Variants in TACR1 observed in about 807,000 individuals in gnomAD.
TACR1 encodes tachykinin receptor 1, also known as substance-P receptor.
TACR1 carries 25 observed loss-of-function variants against 35.8 expected under a neutral mutation model. That is an observed-to-expected ratio of 0.70 (90% CI 0.51 to 0.98). The LOEUF (loss-of-function observed/expected upper bound fraction) is 0.98. Among genes scored for constraint, TACR1 ranks in the 50% least tolerant of loss-of-function variants. TACR1 has a pLI of 0.00. For missense variants in TACR1, 478 were observed against 522.9 expected (o/e 0.91, Z 0.84); for synonymous variants, 195 against 206.7 (o/e 0.94, Z 0.48).
intron 2 of TACR1, among the ~76,000 whole-genome samples, chr2:75,068,690 G>T (rs1672816718): frequency 6.6e-6 from 1 of 152,106 alleles, no homozygotes; most frequent in African/African-American, 2.4e-5. Context: ...TACAAACATT[G>T]CAGAGTGCTT....
chr2:75,196,662 C>A (rs1675985049), intron 1 of TACR1, among the ~76,000 whole-genome samples: 1 of 152,150 alleles, frequency 6.6e-6, no homozygotes. Flanking sequence ...TCATCCCCAC[C>A]CCTAACCTTC....
chr2:75,127,093 T>G (rs1272454572), intron 1 of TACR1, among the ~76,000 whole-genome samples: 4 of 152,248 alleles, frequency 2.6e-5, no homozygotes, highest in Admixed American at 2.6e-4. Context: ...CTGGCTCTTC[T>G]TCTGAACAAA....
chr2:75,182,814 T>C (rs1177707763), intron 1 of TACR1, among the ~76,000 whole-genome samples: 1 of 152,222 alleles, frequency 6.6e-6, no homozygotes, highest in African/African-American at 2.4e-5. Context: ...GTTTGCACAA[T>C]GACAAAATCA....
chr2:75,192,319 T>C (rs2104086153), intron 1 of TACR1, among the ~76,000 whole-genome samples: 1 of 152,320 alleles, frequency 6.6e-6, no homozygotes, highest in East Asian at 1.9e-4. Context: ...TTATACTTAC[T>C]GGAAAGCCTG....
intron 2 of TACR1, among the ~76,000 whole-genome samples, chr2:75,104,441 G>A (rs1673601065): frequency 6.6e-6 from 1 of 151,834 alleles, no homozygotes; most frequent in Admixed American, 6.6e-5. Context: ...AATAATAGTA[G>A]GGGACTTTAA....
chr2:75,086,784 G>A (rs1186687034), intron 2 of TACR1, among the ~76,000 whole-genome samples: 1 of 152,172 alleles, frequency 6.6e-6, no homozygotes, highest in Non-Finnish European at 1.5e-5. Context: ...GAGAGAGAAT[G>A]TTTAATTCAA....
intron 2 of TACR1, among the ~76,000 whole-genome samples, chr2:75,055,410 C>T (rs1672548743): frequency 1.3e-5 from 2 of 152,222 alleles, no homozygotes; most frequent in Admixed American, 1.3e-4. Context: ...ATTGTCGCCT[C>T]CTTTGGGAGC....
intron 2 of TACR1, among the ~76,000 whole-genome samples, chr2:75,085,059 G>A (rs1673165655): frequency 1.3e-5 from 2 of 151,742 alleles, no homozygotes; most frequent in South Asian, 4.2e-4. Context: ...TCTCTTGTGG[G>A]CATTTAGTGC....
At chr2:75,137,225 A>G (rs1031298877) in intron 1 of TACR1, among the ~76,000 whole-genome samples, 3 of 152,210 alleles carry the variant, frequency 2.0e-5, no homozygotes, top group Non-Finnish European at 4.4e-5. Flanking sequence ...AACACATTCC[A>G]GGTCTTTACA....
At chr2:75,136,012 G>A (rs1417225198) in intron 1 of TACR1, among the ~76,000 whole-genome samples, 2 of 152,220 alleles carry the variant, frequency 1.3e-5, no homozygotes, top group Admixed American at 1.3e-4. Context: ...GTGGGTCATT[G>A]CCAGAGGATG....
At chr2:75,154,122 A>G (rs1674741706) in intron 1 of TACR1, among the ~76,000 whole-genome samples, 1 of 152,178 alleles carries the variant, frequency 6.6e-6, no homozygotes, top group African/African-American at 2.4e-5. Flanking sequence ...CACTGCCCAA[A>G]GCAATGCTTG....
intron 1 of TACR1, among the ~76,000 whole-genome samples, chr2:75,149,222 G>A (rs1323213143): frequency 2.6e-5 from 4 of 152,122 alleles, no homozygotes; most frequent in South Asian, 2.1e-4. Context: ...TTAGCTATAC[G>A]GGCTCTTTTT....
chr2:75,127,300 A>G (rs1237284055), intron 1 of TACR1, among the ~76,000 whole-genome samples: 1 of 152,230 alleles, frequency 6.6e-6, no homozygotes, highest in Non-Finnish European at 1.5e-5. Flanking sequence ...TCACAAAGCT[A>G]TAACCAAAGA....
intron 2 of TACR1, among the ~76,000 whole-genome samples, chr2:75,064,825 G>A (rs1197701492): frequency 6.6e-6 from 1 of 152,222 alleles, no homozygotes; most frequent in Non-Finnish European, 1.5e-5. Flanking sequence ...ATAAAGGAGA[G>A]TGACTCTTTC....
chr2:75,060,076 C>T (rs1337236924), intron 2 of TACR1, among the ~76,000 whole-genome samples: 1 of 152,216 alleles, frequency 6.6e-6, no homozygotes, highest in African/African-American at 2.4e-5. Flanking sequence ...ATTTATTCAG[C>T]ACCTGTTCTA....
At position 75,110,293 on chromosome 2, in the gene TACR1, T is replaced by G. The variant is rs528493627; in HGVS notation, c.584+10281A>C. The stretch of plus-strand genomic sequence containing the variant: ...TCTCATCTTTTTATTTCTTGGTGAT[T>G]TTTTTTCAAGTGATAATATTTTTAT... On this transcript the variant is annotated intron_variant, in intron 2 of 4. Coordinates refer to ENST00000305249, the MANE Select transcript of TACR1 (RefSeq NM_001058.4). Among the ~76,000 whole-genome samples, 5 of 152,128 alleles carry G rather than the reference T, an allele frequency of 3.3e-5. No individual in the cohort carries two copies. The South Asian group carries it at 1.0e-3, about 32-fold the overall frequency.
chr2:75,111,125 G>C (rs931954343), intron 2 of TACR1, among the ~76,000 whole-genome samples: 1 of 151,912 alleles, frequency 6.6e-6, no homozygotes, highest in African/African-American at 2.4e-5. Flanking sequence ...CTTTTTCTCA[G>C]TTTGTCACGT....
intron 1 of TACR1, among the ~76,000 whole-genome samples, chr2:75,135,868 G>A (rs770013126): frequency 1.3e-5 from 2 of 152,114 alleles, no homozygotes; most frequent in Admixed American, 6.6e-5. Context: ...TTCCTGTGGA[G>A]GAGGAGCCTG....
At chr2:75,065,532 G>T (rs750886798) in intron 2 of TACR1, among the ~76,000 whole-genome samples, 2 of 152,108 alleles carry the variant, frequency 1.3e-5, no homozygotes, top group South Asian at 2.1e-4. Flanking sequence ...TCGCATCGCC[G>T]CAGTGGAAGG....
Sources: allele counts gnomAD v4.1 joint callset (sites outside exome capture counted in the v4.1 genomes callset), GRCh38; gene constraint gnomAD v4.1.1; transcripts MANE v1.5; gene names NCBI Gene and HGNC (gene_info 2026-07-23, HGNC 2026-07-21).